The following FNIP1 variants were observed in gnomAD, a reference collection of about 807,000 sequenced individuals.
The protein encoded by FNIP1 is folliculin-interacting protein 1.
A neutral mutation model predicts 124.5 loss-of-function variants in FNIP1; 40 were observed. That is an observed-to-expected ratio of 0.32 (90% CI 0.25 to 0.42). The LOEUF (loss-of-function observed/expected upper bound fraction) is 0.42. FNIP1 is among the 10% of genes least tolerant of loss of function. The pLI is 1.00. For synonymous variants in FNIP1, 472 were observed against 470.6 expected, an observed-to-expected ratio of 1.00 and a Z score of -0.04; for missense variants, 1,176 against 1,403.7, an observed-to-expected ratio of 0.84 and a Z score of 2.59.
At chr5:131,778,185 C>T (rs1771874552) in intron 1 of FNIP1, among the ~76,000 whole-genome samples, 2 of 151,650 alleles carry the variant, frequency 1.3e-5, no homozygotes, top group African/African-American at 2.4e-5. Context: ...AAAGCAAGAC[C>T]CCCCTCTCAA....
intron 1 of FNIP1, among the ~76,000 whole-genome samples, chr5:131,764,153 C>A (rs748797049): frequency 1.9e-4 from 29 of 152,010 alleles, no homozygotes; most frequent in Non-Finnish European, 4.1e-4. Flanking sequence ...GCCATGACTG[C>A]AAGTTTCCTG....
At chr5:131,727,010 A>G (rs1046801787) in intron 3 of FNIP1, among the ~76,000 whole-genome samples, 12 of 152,150 alleles carry the variant, frequency 7.9e-5, no homozygotes, top group African/African-American at 2.4e-4. Context: ...TTGGTCTGAG[A>G]GACTGTTTGT....
intron 11 of FNIP1, among the ~76,000 whole-genome samples, chr5:131,691,890 C>G (rs935495318): frequency 6.6e-5 from 10 of 152,096 alleles, no homozygotes; most frequent in Admixed American, 3.9e-4. Flanking sequence ...CTACAAGAAA[C>G]CTACAGCTAA....
chr5:131,730,153 C>G (rs1770031726), intron 3 of FNIP1, among the ~76,000 whole-genome samples: 1 of 152,106 alleles, frequency 6.6e-6, no homozygotes, highest in South Asian at 2.1e-4. Flanking sequence ...GGTATCATGC[C>G]TAAAGGGGAG....
chr5:131,740,392 T>C (rs182689646), intron 2 of FNIP1, among the ~76,000 whole-genome samples: 4 of 152,334 alleles, frequency 2.6e-5, no homozygotes, highest in Non-Finnish European at 5.9e-5. Context: ...TCGGAGTGTT[T>C]CTCATGTCTT....
chr5:131,660,034 C>T (rs552096943), intron 15 of FNIP1, among the ~76,000 whole-genome samples: 82 of 152,300 alleles, frequency 5.4e-4, no homozygotes, highest in African/African-American at 1.1e-3. Context: ...GAAGACGGCC[C>T]GGGGGCATCG....
intron 1 of FNIP1, among the ~76,000 whole-genome samples, chr5:131,745,158 C>CAAA (rs1172916159): frequency 7.4e-6 from 1 of 134,572 alleles, no homozygotes; most frequent in Middle Eastern, 3.5e-3. Context: ...AAAAACAAGC[C>CAAA]AAAAAAAAAA....
intron 15 of FNIP1, among the ~76,000 whole-genome samples, chr5:131,661,559 C>T (rs1767438114): frequency 6.6e-6 from 1 of 152,108 alleles, no homozygotes; most frequent in African/African-American, 2.4e-5. Context: ...TGTGCTTCAC[C>T]AAGCTGAGAT....
At chr5:131,776,082 T>C (rs1200458798) in intron 1 of FNIP1, among the ~76,000 whole-genome samples, 4 of 152,182 alleles carry the variant, frequency 2.6e-5, no homozygotes, top group Non-Finnish European at 5.9e-5. Flanking sequence ...AGGCTGTGAG[T>C]TCCTTGGCAG....
chr5:131,709,248 G>T lies in FNIP1; in HGVS notation c.731C>A (p.Pro244His). 6.2e-7 allele frequency: 1 copy of T among 1,614,002 alleles called. No individual in the cohort carries two copies. The change falls in exon 8 of 18, where the codon CCT becomes CAT. Residue 244 changes from proline (P) to histidine (H), a missense_variant. This residue lies in a region of FNIP1 where 1,109 missense variants were observed against 1,288.5 expected (regional missense o/e 0.86). Transcript: ENST00000510461. Reference sequence around the variant, plus strand: ...TCTGTCCTCATTGAGCTCTCTTCCAGGCATGTCCATTGGGTTGCTGTGAAC... The same window carrying T: ...TCTGTCCTCATTGAGCTCTCTTCCATGCATGTCCATTGGGTTGCTGTGAAC... ...FAVHSNPMDM[P>H]GRELNEDRDS...
intron 15 of FNIP1, among the ~76,000 whole-genome samples, chr5:131,655,623 C>T (rs1014562402): frequency 5.3e-5 from 8 of 152,162 alleles, no homozygotes; most frequent in African/African-American, 1.9e-4. Flanking sequence ...ACTTCAAACA[C>T]CCTGCCAACT....
chr5:131,767,960 T>C (rs1204935355), intron 1 of FNIP1, among the ~76,000 whole-genome samples: 3 of 152,186 alleles, frequency 2.0e-5, no homozygotes, highest in African/African-American at 7.2e-5. Flanking sequence ...TCACAATAAA[T>C]TCAACTATAC....
chr5:131,752,194 C>A (rs899107443), intron 1 of FNIP1, among the ~76,000 whole-genome samples: 1 of 152,062 alleles, frequency 6.6e-6, no homozygotes, highest in African/African-American at 2.4e-5. Context: ...CAGGTGCCAG[C>A]CACCACGTCC....
chr5:131,735,942 C>A (rs541649126), intron 2 of FNIP1, among the ~76,000 whole-genome samples: 1 of 151,992 alleles, frequency 6.6e-6, no homozygotes. Flanking sequence ...GCTAATTTTA[C>A]TTTTTGTAGA....
At chr5:131,668,796 A>G (rs1767671136) in intron 15 of FNIP1, among the ~76,000 whole-genome samples, 1 of 152,254 alleles carries the variant, frequency 6.6e-6, no homozygotes, top group South Asian at 2.1e-4. Context: ...GAACATAGCC[A>G]GAAGCATATA....
intron 1 of FNIP1, among the ~76,000 whole-genome samples, chr5:131,771,044 C>A (rs1454417315): frequency 1.3e-5 from 2 of 152,144 alleles, no homozygotes; most frequent in Non-Finnish European, 2.9e-5. Flanking sequence ...CCCACTAACT[C>A]GTCATCTAGC....
chr5:131,686,428 T>C (rs1404406748), intron 11 of FNIP1, among the ~76,000 whole-genome samples: 1 of 152,168 alleles, frequency 6.6e-6, no homozygotes, highest in Non-Finnish European at 1.5e-5. Flanking sequence ...CACTGCAACC[T>C]TGACTACCTA....
At chr5:131,664,729 G>A (rs183549737) in intron 15 of FNIP1, among the ~76,000 whole-genome samples, 83 of 148,922 alleles carry the variant, frequency 5.6e-4, no homozygotes, top group Middle Eastern at 3.5e-3. Context: ...TAAAAATAAT[G>A]TTTACACACT....
At chr5:131,648,209 T>G (rs917626957) in intron 16 of FNIP1, among the ~76,000 whole-genome samples, 1 of 142,600 alleles carries the variant, frequency 7.0e-6, no homozygotes. Flanking sequence ...TAGCCGAGCA[T>G]GGTGGCACGT....
Sources: gnomAD v4.1 joint callset for allele counts (sites outside exome capture counted in the v4.1 genomes callset) on GRCh38, gnomAD v4.1.1 for gene constraint, gnomAD v4.1.1 regional missense constraint, MANE v1.5 for transcripts, NCBI Gene and HGNC (gene_info 2026-07-23, HGNC 2026-07-21) for gene names.